Variants in TJP2 observed in about 807,000 individuals in gnomAD.
The protein encoded by TJP2 is Friedreich ataxia region gene X104 (tight junction protein ZO-2).
Under a neutral mutation model 133.1 loss-of-function variants are expected in TJP2, and 91 were observed. The observed-to-expected ratio is 0.68, with a 90% confidence interval of 0.58 to 0.81. The LOEUF (loss-of-function observed/expected upper bound fraction) is 0.81, where lower values mean the gene tolerates loss of function less well. Ranked by LOEUF, TJP2 falls within the 40% of genes least tolerant of loss-of-function variation. The pLI is 0.00. For missense variants in TJP2, 1,541 were observed against 1,565.6 expected, an observed-to-expected ratio of 0.98 and a Z score of 0.26; for synonymous variants, 592 against 583.4, an observed-to-expected ratio of 1.01 and a Z score of -0.21.
rs1032605729 is a variant in TJP2 at position 69,174,349 on chromosome 9, G to A, written c.-24G>A. On this transcript the variant is annotated 5_prime_UTR_variant, in exon 1 of 23. Transcript: ENST00000377245. ...GCAGAAGCGGGGTCCGGAGCTGCGC[G>A]CCTACGCGGGACCTGTGTCCGAAAT... The A allele has an allele frequency of 5.2e-6, 8 of 1,551,200 alleles. No individual in the cohort carries two copies. In the Admixed American group the frequency reaches 7.8e-5, roughly 15 times the overall value.
chr9:69,168,283 T>G (rs1824467213), intron 2 of TJP2, among the ~76,000 whole-genome samples: 1 of 152,192 alleles, frequency 6.6e-6, no homozygotes, highest in Admixed American at 6.5e-5. Context: ...TCAGCTTTGT[T>G]CTCTATTTCT....
intron 1 of TJP2, among the ~76,000 whole-genome samples, chr9:69,204,028 C>G (rs953503081): frequency 5.3e-5 from 8 of 152,204 alleles, no homozygotes; most frequent in Admixed American, 5.2e-4. Flanking sequence ...TGTCCAGCAC[C>G]AGCACGAGTG....
chr9:69,238,420 T>C (rs1052859572), intron 15 of TJP2, among the ~76,000 whole-genome samples: 7 of 152,330 alleles, frequency 4.6e-5, no homozygotes, highest in Middle Eastern at 3.4e-3. Context: ...TTTATGTCTT[T>C]TTGTGATTTT....
intron 1 of TJP2, among the ~76,000 whole-genome samples, chr9:69,148,379 T>TC: frequency 6.7e-6 from 1 of 150,152 alleles, no homozygotes. Flanking sequence ...AATACTTTTT[T>TC]TTTTTTTTTT....
chr9:69,251,465 G>A (rs1258329561), intron 21 of TJP2, 101 bp downstream of exon 21: 1 of 1,257,298 alleles, frequency 8.0e-7, no homozygotes, highest in East Asian at 2.5e-5. Context: ...AGATGTGGCA[G>A]GGATGCACTG....
chr9:69,154,335 G>A (rs1373190408), intron 2 of TJP2, among the ~76,000 whole-genome samples: 4 of 152,204 alleles, frequency 2.6e-5, no homozygotes, highest in East Asian at 1.9e-4. Context: ...AATGTCCGGC[G>A]TGGGTGGAGC....
intron 1 of TJP2, among the ~76,000 whole-genome samples, chr9:69,137,157 A>G (rs1278939340): frequency 7.2e-5 from 11 of 152,050 alleles, no homozygotes; most frequent in Non-Finnish European, 1.6e-4. Flanking sequence ...GCCTCTCGTC[A>G]TGAGCTGAGG....
At chr9:69,156,330 C>G (rs1440907287) in intron 2 of TJP2, among the ~76,000 whole-genome samples, 1 of 152,054 alleles carries the variant, frequency 6.6e-6, no homozygotes, top group East Asian at 1.9e-4. Context: ...CCACTGCACT[C>G]CAGCCTGCGC....
intron 20 of TJP2, 65 bp from the exon 21 acceptor site, chr9:69,250,970 C>A: frequency 6.9e-7 from 1 of 1,448,206 alleles, no homozygotes; most frequent in Non-Finnish European, 9.7e-7. Flanking sequence ...TGTATTAAAT[C>A]ACTAATATAG....
chr9:69,209,135 C>G (rs1201631245), intron 1 of TJP2, among the ~76,000 whole-genome samples: 1 of 152,034 alleles, frequency 6.6e-6, no homozygotes, highest in Non-Finnish European at 1.5e-5. Context: ...TGTCTGCTTT[C>G]TTTTTCTTTT....
chr9:69,161,131 G>C (rs973866145), intron 2 of TJP2, among the ~76,000 whole-genome samples: 3 of 152,208 alleles, frequency 2.0e-5, no homozygotes, highest in African/African-American at 7.2e-5. Flanking sequence ...CAACGGATGG[G>C]AAGTATCTGA....
intron 1 of TJP2, among the ~76,000 whole-genome samples, chr9:69,139,693 A>G (rs1011486488): frequency 5.9e-5 from 9 of 152,212 alleles, no homozygotes; most frequent in African/African-American, 2.2e-4. Flanking sequence ...TAAAACCAAG[A>G]GAGCTATTAA....
At chr9:69,247,841 A>G (rs1470537551) in intron 18 of TJP2, among the ~76,000 whole-genome samples, 171 bp from the exon 19 acceptor site, 1 of 152,180 alleles carries the variant, frequency 6.6e-6, no homozygotes, top group African/African-American at 2.4e-5. Context: ...CGACCATAAT[A>G]TCAACATTGT....
chr9:69,186,336 G>C (rs1401067003), intron 1 of TJP2, among the ~76,000 whole-genome samples: 1 of 152,166 alleles, frequency 6.6e-6, no homozygotes, highest in African/African-American at 2.4e-5. Flanking sequence ...ACTTCCGAAG[G>C]CTCCTTGCAG....
intron 1 of TJP2, among the ~76,000 whole-genome samples, chr9:69,176,535 A>G (rs1253997276): frequency 6.6e-6 from 1 of 152,162 alleles, no homozygotes; most frequent in Non-Finnish European, 1.5e-5. Context: ...CTCATGTATT[A>G]AATGACTTGA....
intron 2 of TJP2, among the ~76,000 whole-genome samples, chr9:69,155,638 T>C (rs1216064422): frequency 6.6e-6 from 1 of 152,262 alleles, no homozygotes; most frequent in African/African-American, 2.4e-5. Flanking sequence ...GGCCAGTTTC[T>C]CTATCTGTGG....
upstream of TJP2, chr9:69,174,077 T>C: frequency 9.0e-7 from 1 of 1,115,356 alleles, no homozygotes; most frequent in Non-Finnish European, 1.1e-6. Context: ...CGCAGGAGCC[T>C]CGAAGGCGCG....
rs761622119 is a variant in TJP2 at position 69,220,858 on chromosome 9, C to G, written c.343-29C>G. On this transcript the variant is annotated intron_variant, in intron 4 of 22. Transcript: ENST00000377245. ...TCCACATTCAGTTGTGATTGTCCTG[C>G]GTCCACACTGAGTTTGTTTTGACAA... 3.1e-6 allele frequency: 5 copies of G among 1,604,234 alleles called. No homozygotes were observed. The East Asian group carries it at 1.1e-4, about 36-fold the overall frequency.
intron 17 of TJP2, among the ~76,000 whole-genome samples, chr9:69,243,876 T>G (rs1178961797): frequency 6.6e-6 from 1 of 152,018 alleles, no homozygotes; most frequent in Non-Finnish European, 1.5e-5. Context: ...TACCATATAA[T>G]CCACCCATTG....
Sources: gnomAD v4.1 joint callset for allele counts (sites outside exome capture counted in the v4.1 genomes callset) on GRCh38, gnomAD v4.1.1 for gene constraint, MANE v1.5 for transcripts, NCBI Gene and HGNC (gene_info 2026-07-23, HGNC 2026-07-21) for gene names.